The following VPS13D variants were observed in gnomAD, a reference collection of about 807,000 sequenced individuals.
The protein encoded by VPS13D is intermembrane lipid transfer protein VPS13D.
In VPS13D, 187 loss-of-function variants were observed where a neutral mutation model predicts 461.9. That is an observed-to-expected ratio of 0.40 (90% CI 0.36 to 0.46). The LOEUF (loss-of-function observed/expected upper bound fraction) is 0.46, where lower values mean the gene tolerates loss of function less well. Ranked by LOEUF, VPS13D falls within the 20% of genes least tolerant of loss-of-function variation. The probability of loss-of-function intolerance (pLI) is 0.60; values close to 1 mark genes in which losing one functional copy is unlikely to be tolerated. For synonymous variants in VPS13D, 1,951 were observed against 1,986.3 expected, an observed-to-expected ratio of 0.98 and a Z score of 0.47; for missense variants, 4,711 against 5,364.9, an observed-to-expected ratio of 0.88 and a Z score of 3.81.
At chr1:12,471,455 G>C (rs532261063) in intron 67 of VPS13D, among the ~76,000 whole-genome samples, 1 of 152,276 alleles carries the variant, frequency 6.6e-6, no homozygotes, top group South Asian at 2.1e-4. Flanking sequence ...CCAAAACACA[G>C]TAATCTCCTG....
intron 23 of VPS13D, among the ~76,000 whole-genome samples, chr1:12,292,750 T>G (rs551336609): frequency 6.6e-6 from 1 of 152,206 alleles, no homozygotes; most frequent in African/African-American, 2.4e-5. Flanking sequence ...GTGTGTGTGT[T>G]TTTTTTAAAA....
chr1:12,484,372 ATTGTGAGTTTG>A (rs1645768321), intron 67 of VPS13D, among the ~76,000 whole-genome samples: 1 of 152,000 alleles, frequency 6.6e-6, no homozygotes, highest in African/African-American at 2.4e-5. Flanking sequence ...TCCCAATTGG[ATTGTGAGTTTG>A]TTGTTATTGC....
At chr1:12,290,648 G>T (rs1259859533) in intron 22 of VPS13D, among the ~76,000 whole-genome samples, 1 of 151,704 alleles carries the variant, frequency 6.6e-6, no homozygotes, top group Non-Finnish European at 1.5e-5. Flanking sequence ...GCGTGAACCC[G>T]GGAGGCAGAA....
At position 12,467,268 on chromosome 1, in the gene VPS13D, T is replaced by A. The variant is rs889607397; in HGVS notation, c.12662+6872T>A. ...CTCACTGCATCCTCCACCTCCCGGG[T>A]TCAAGCAGTTCTCCTGCCTCAGCCT... On this transcript the variant is annotated intron_variant, in intron 67 of 69. Transcript: ENST00000620676. 7.9e-5 allele frequency among the ~76,000 whole-genome samples: 12 copies of A among 152,042 alleles called. No homozygotes were observed. In the Middle Eastern group the frequency reaches 0.01, roughly 129 times the overall value.
Position 12,266,877 on chromosome 1 carries a change from A to G in VPS13D, c.1595-4A>G. 4 of 1,570,424 alleles carry G rather than the reference A, an allele frequency of 2.5e-6. No homozygotes were observed. The highest frequency in any genetic ancestry group is 1.2e-5 in the South Asian group (1 of 84,184). ...GTATCAACTATTTTATTTATCTTTT[A>G]TAGATGTAAAACTTCTAGCAGAGTC... On this transcript the variant is annotated splice_region_variant and splice_polypyrimidine_tract_variant and intron_variant, in intron 13 of 69. Coordinates refer to ENST00000620676, the MANE Select transcript of VPS13D (RefSeq NM_015378.4).
intron 42 of VPS13D, 54 bp downstream of exon 42, chr1:12,343,105 G>T: frequency 1.3e-6 from 2 of 1,486,858 alleles, no homozygotes; most frequent in Non-Finnish European, 1.8e-6. Flanking sequence ...TGTAAGTGAG[G>T]GTCCCTAGTG....
rs533664362 is a variant in VPS13D, at chr1:12,247,789, C to T, written c.448-1434C>T. Among the ~76,000 whole-genome samples, 150 of 151,588 alleles carry T rather than the reference C, an allele frequency of 9.9e-4. 3 individuals carry two copies. The South Asian group carries it at 0.014, about 14-fold the overall frequency. On this transcript the variant is annotated intron_variant, in intron 5 of 69. Coordinates refer to ENST00000620676, the MANE Select transcript of VPS13D (RefSeq NM_015378.4). ...CGTGATCTCGGCTCACTGCAACCTCCGCCTCCCGGATTCAAGCGATTCTCC... is the reference window on the plus strand; with the variant it reads ...CGTGATCTCGGCTCACTGCAACCTCTGCCTCCCGGATTCAAGCGATTCTCC...
At chr1:12,381,314 C>T (rs925223684) in intron 57 of VPS13D, among the ~76,000 whole-genome samples, 3 of 152,170 alleles carry the variant, frequency 2.0e-5, no homozygotes, top group African/African-American at 7.2e-5. Flanking sequence ...AAACCCTGCT[C>T]AAAGTTTGCT....
At chr1:12,476,127 C>T (rs1017895481) in intron 67 of VPS13D, among the ~76,000 whole-genome samples, 10 of 152,184 alleles carry the variant, frequency 6.6e-5, no homozygotes, top group African/African-American at 2.4e-4. Flanking sequence ...AGTGAGTCTG[C>T]TATGGCAGCT....
chr1:12,259,407 C>T (rs1641032419), intron 10 of VPS13D, among the ~76,000 whole-genome samples: 1 of 151,742 alleles, frequency 6.6e-6, no homozygotes, highest in African/African-American at 2.4e-5. Flanking sequence ...CCTCTGCCTC[C>T]TTGGTTCAAG....
At chr1:12,456,636 C>CAAAAAAAA (rs367987300) in intron 66 of VPS13D, among the ~76,000 whole-genome samples, 55 of 83,658 alleles carry the variant, frequency 6.6e-4, no homozygotes, top group African/African-American at 2.3e-3. Context: ...GACTCCAATT[C>CAAAAAAAA]AAAAAAAAAA....
Position 12,314,216 on chromosome 1 carries a change from A to G in VPS13D, c.7037A>G (p.Tyr2346Cys), listed in dbSNP as rs771763284. ...TCCATGATGGCTTTTGACACCCGTTATGCTGGGCAGAAGACCAGCCCTGGC... is the reference window on the plus strand; with the variant it reads ...TCCATGATGGCTTTTGACACCCGTTGTGCTGGGCAGAAGACCAGCCCTGGC... ...SHSMMAFDTR[Y>C]AGQKTSPGMT... Residue 2346 changes from tyrosine to cysteine, a missense_variant, in exon 30 of 70, where the codon TAT (tyrosine) becomes TGT (cysteine). By Grantham distance (194) the Tyr-to-Cys change is radical. Transcript: ENST00000620676. The G allele has an allele frequency of 1.2e-6, 2 of 1,614,146 alleles. No homozygotes were observed. Among genetic ancestry groups the G allele is most frequent in the Non-Finnish European group, 1.7e-6 (2 of 1,180,014 alleles).
intron 67 of VPS13D, among the ~76,000 whole-genome samples, chr1:12,475,562 A>G (rs1289122492): frequency 6.6e-6 from 1 of 152,254 alleles, no homozygotes; most frequent in Non-Finnish European, 1.5e-5. Context: ...ATTCTTTGGC[A>G]GGTTGTGGCC....
Position 12,248,367 on chromosome 1 carries a change from T to C in VPS13D, c.448-856T>C, listed in dbSNP as rs1301614945. Among the ~76,000 whole-genome samples the C allele has an allele frequency of 1.3e-5, 2 of 151,776 alleles. 1 individual carries two copies. Among genetic ancestry groups the C allele is most frequent in the African/African-American group, 4.8e-5 (2 of 41,276 alleles). On this transcript the variant is annotated intron_variant, in intron 5 of 69. Transcript: ENST00000620676. ...TATTATTATTGTTATTATTAAGACATAATCTCACTCCGTTGCCTAGGCTGG... is the reference window on the plus strand; with the variant it reads ...TATTATTATTGTTATTATTAAGACACAATCTCACTCCGTTGCCTAGGCTGG...
At chr1:12,269,112 C>G (rs1447689071) in intron 16 of VPS13D, among the ~76,000 whole-genome samples, 1 of 152,096 alleles carries the variant, frequency 6.6e-6, no homozygotes, top group African/African-American at 2.4e-5. Context: ...CTCCATTTAG[C>G]GTGTATTTTT....
chr1:12,356,127 T>C, intron 48 of VPS13D, 37 bp downstream of exon 48: 3 of 1,558,998 alleles, frequency 1.9e-6, no homozygotes, highest in Non-Finnish European at 1.7e-6. Context: ...TCTTTGGCGT[T>C]AGTCATGGGA....
intron 5 of VPS13D, among the ~76,000 whole-genome samples, chr1:12,245,519 G>T (rs1301164643): frequency 6.6e-6 from 1 of 151,964 alleles, no homozygotes; most frequent in Non-Finnish European, 1.5e-5. Context: ...GTTGTGCGTT[G>T]GTCACCACTA....
At chr1:12,441,114 C>T (rs999475363) in intron 65 of VPS13D, among the ~76,000 whole-genome samples, 28 of 151,934 alleles carry the variant, frequency 1.8e-4, no homozygotes, top group South Asian at 2.1e-4. Flanking sequence ...TTAGTAGAGA[C>T]GGGGTTTCGC....
intron 31 of VPS13D, among the ~76,000 whole-genome samples, chr1:12,319,040 G>T (rs1423523445): frequency 6.6e-6 from 1 of 152,158 alleles, no homozygotes; most frequent in Non-Finnish European, 1.5e-5. Flanking sequence ...CAAAAATCTC[G>T]ATATTAAATT....
Sources: gnomAD v4.1 joint callset for allele counts (sites outside exome capture counted in the v4.1 genomes callset) on GRCh38, gnomAD v4.1.1 for gene constraint, MANE v1.5 for transcripts, NCBI Gene and HGNC (gene_info 2026-07-23, HGNC 2026-07-21) for gene names.